The following RGS6 variants were observed in gnomAD, a reference collection of about 807,000 sequenced individuals.
RGS6 encodes regulator of G-protein signaling 6.
Under a neutral mutation model 78.5 loss-of-function variants are expected in RGS6, and 30 were observed. The observed-to-expected ratio is 0.38, with a 90% CI of 0.29 to 0.52. The LOEUF is 0.52. RGS6 is among the 20% of genes least tolerant of loss of function. RGS6 has a pLI of 0.85. For synonymous variants in RGS6, 206 were observed against 206.0 expected (o/e 1.00, Z 0.00); for missense variants, 495 against 609.7 (o/e 0.81, Z 1.98).
At chr14:72,502,059 A>G (rs934968818) in intron 13 of RGS6, among the ~76,000 whole-genome samples, 3 of 152,160 alleles carry the variant, frequency 2.0e-5, no homozygotes, top group African/African-American at 4.8e-5. Context: ...AAAGAGAGGG[A>G]GCACCTTTTT....
At chr14:72,556,038 G>A (rs1247529302) in intron 17 of RGS6, among the ~76,000 whole-genome samples, 2 of 152,162 alleles carry the variant, frequency 1.3e-5, no homozygotes, top group Non-Finnish European at 2.9e-5. Flanking sequence ...GGGGATAGGT[G>A]GGTCCTTTTA....
chr14:71,896,441 G>T, the RGS6 span, among the ~76,000 whole-genome samples: 5 of 152,242 alleles, frequency 3.3e-5, no homozygotes, highest in East Asian at 7.8e-4. Context: ...CAGTGAGGAT[G>T]ACCCGAAGTC....
intron 2 of RGS6, among the ~76,000 whole-genome samples, chr14:72,061,441 T>A (rs1399513193): frequency 1.3e-5 from 2 of 152,156 alleles, no homozygotes; most frequent in Non-Finnish European, 2.9e-5. Context: ...GTTTGCATAA[T>A]GAAGAAGGAA....
At chr14:72,078,198 G>C (rs191055295) in intron 2 of RGS6, among the ~76,000 whole-genome samples, 19 of 152,216 alleles carry the variant, frequency 1.2e-4, no homozygotes, top group Admixed American at 1.2e-3. Context: ...TTGTTAAAAA[G>C]TGTGTGGCAC....
intron 1 of RGS6, among the ~76,000 whole-genome samples, chr14:71,947,987 C>G (rs892142525): frequency 6.6e-6 from 1 of 152,058 alleles, no homozygotes; most frequent in Non-Finnish European, 1.5e-5. Context: ...AAAAAAATAC[C>G]AATAACCCAA....
intron 12 of RGS6, among the ~76,000 whole-genome samples, chr14:72,481,954 A>T (rs1598163876): frequency 6.6e-6 from 1 of 151,710 alleles, no homozygotes; most frequent in East Asian, 1.9e-4. Context: ...GATTACAGGC[A>T]CCTGCCACCA....
chr14:72,571,278 C>A (rs2097719927), downstream of RGS6, among the ~76,000 whole-genome samples: 1 of 152,228 alleles, frequency 6.6e-6, no homozygotes, highest in African/African-American at 2.4e-5. Context: ...TCCCTGACTC[C>A]TGGTCTTATG....
intron 2 of RGS6, among the ~76,000 whole-genome samples, chr14:72,294,247 CT>C (rs2064237271): frequency 6.6e-6 from 1 of 152,132 alleles, no homozygotes; most frequent in Non-Finnish European, 1.5e-5. Flanking sequence ...TAAGGGTTAC[CT>C]TTGATCCCAA....
At chr14:72,099,306 C>G (rs928651205) in intron 2 of RGS6, among the ~76,000 whole-genome samples, 1 of 152,028 alleles carries the variant, frequency 6.6e-6, no homozygotes, top group Non-Finnish European at 1.5e-5. Context: ...ACTACAGGTA[C>G]CAGCCTCCAT....
intron 3 of RGS6, among the ~76,000 whole-genome samples, chr14:72,382,827 G>T (rs1167384597): frequency 1.3e-5 from 2 of 152,132 alleles, no homozygotes; most frequent in African/African-American, 2.4e-5. Context: ...GATATCTCAT[G>T]ATCCCAATTA....
chr14:72,618,027 C>T, the RGS6 span, among the ~76,000 whole-genome samples: 6 of 151,938 alleles, frequency 3.9e-5, no homozygotes, highest in East Asian at 9.8e-4. Context: ...TTCTCGGAAG[C>T]TCAGCCTCCC....
intron 2 of RGS6, among the ~76,000 whole-genome samples, chr14:71,997,582 T>C (rs1257109277): frequency 6.6e-6 from 1 of 152,114 alleles, no homozygotes; most frequent in Non-Finnish European, 1.5e-5. Context: ...TTGGTGCATA[T>C]GGTTAATGAA....
intron 2 of RGS6, among the ~76,000 whole-genome samples, chr14:72,302,311 C>T (rs1369842059): frequency 1.3e-5 from 2 of 152,178 alleles, no homozygotes; most frequent in East Asian, 1.9e-4. Flanking sequence ...AATTAAGTGG[C>T]GGAGCCAAGA....
chr14:72,088,181 G>A (rs2095125710), intron 2 of RGS6, among the ~76,000 whole-genome samples: 1 of 152,146 alleles, frequency 6.6e-6, no homozygotes. Flanking sequence ...TACCTTTGGG[G>A]GTAGGGTTTT....
intron 2 of RGS6, among the ~76,000 whole-genome samples, chr14:72,074,793 A>G (rs2094520707): frequency 6.6e-6 from 1 of 152,172 alleles, no homozygotes; most frequent in Non-Finnish European, 1.5e-5. Context: ...GGCAAGTAAG[A>G]CAGTCATCAA....
the RGS6 span, among the ~76,000 whole-genome samples, chr14:71,882,858 C>T: frequency 1.3e-5 from 2 of 152,182 alleles, no homozygotes; most frequent in Middle Eastern, 3.2e-3. Context: ...TATAGATGTG[C>T]TTATCCCTTC....
intron 1 of RGS6, among the ~76,000 whole-genome samples, chr14:71,937,933 T>C (rs888946265): frequency 7.2e-5 from 11 of 152,220 alleles, no homozygotes; most frequent in African/African-American, 2.4e-4. Context: ...GCTGGCAATT[T>C]GGGCACTCAG....
intron 2 of RGS6, among the ~76,000 whole-genome samples, chr14:71,965,261 C>T (rs1186233513): frequency 6.6e-6 from 1 of 152,144 alleles, no homozygotes; most frequent in Non-Finnish European, 1.5e-5. Flanking sequence ...GTATGAGATG[C>T]TTACAGTTGG....
chr14:72,026,429 A>G (rs11850137), intron 2 of RGS6, among the ~76,000 whole-genome samples: 19,817 of 152,156 alleles, frequency 0.13, 1,341 homozygotes, highest in East Asian at 0.17. Flanking sequence ...AAAAGTAGCC[A>G]TCAGAACCCA....
Sources: allele counts gnomAD v4.1 joint callset (sites outside exome capture counted in the v4.1 genomes callset), GRCh38; gene constraint gnomAD v4.1.1; transcripts MANE v1.5; gene names NCBI Gene and HGNC (gene_info 2026-07-23, HGNC 2026-07-21).